UGT1A10: variants seen among roughly 807,000 people sequenced by gnomAD.
The protein encoded by UGT1A10 is UDP glucuronosyltransferase family 1 member A10, also known as UDP-glucuronosyltransferase 1A10.
Under a neutral mutation model 45.8 loss-of-function variants are expected in UGT1A10, and 49 were observed. That is an observed-to-expected ratio of 1.07 (90% confidence interval 0.85 to 1.36). The LOEUF (loss-of-function observed/expected upper bound fraction) is 1.36, where lower values mean the gene tolerates loss of function less well. UGT1A10 is among the 40% of genes most tolerant of loss of function. UGT1A10 has a pLI of 0.00. For missense variants in UGT1A10, 745 were observed against 668.6 expected (o/e 1.11, Z -1.26); for synonymous variants, 284 against 249.7 (o/e 1.14, Z -1.29).
chr2:233,674,846 A>G (rs1162958681), intron 1 of UGT1A10, among the ~76,000 whole-genome samples: 1 of 152,188 alleles, frequency 6.6e-6, no homozygotes, highest in African/African-American at 2.4e-5. Flanking sequence ...TGGCCCAACC[A>G]CAGAAGTAAA....
At chr2:233,719,955 G>A (rs914065471) in intron 1 of UGT1A10, among the ~76,000 whole-genome samples, 4 of 152,160 alleles carry the variant, frequency 2.6e-5, no homozygotes, top group Admixed American at 2.6e-4. Flanking sequence ...CCATCTTCAT[G>A]GTTGTGCATG....
chr2:233,682,551 A>C (rs1349581961), intron 1 of UGT1A10: 2 of 1,613,822 alleles, frequency 1.2e-6, no homozygotes, highest in African/African-American at 1.3e-5. Context: ...ACTTTCAAGG[A>C]GAGAGTATGG....
chr2:233,695,757 C>T (rs1051852245), intron 1 of UGT1A10, among the ~76,000 whole-genome samples: 2 of 152,104 alleles, frequency 1.3e-5, no homozygotes, highest in Non-Finnish European at 2.9e-5. Context: ...GGTCTTCATC[C>T]TTTTTTATGG....
intron 1 of UGT1A10, among the ~76,000 whole-genome samples, chr2:233,736,818 G>A (rs761920295): frequency 6.6e-6 from 1 of 152,210 alleles, no homozygotes; most frequent in Non-Finnish European, 1.5e-5. Flanking sequence ...GTCCACTCCA[G>A]ATGCTCTTTG....
At chr2:233,756,025 C>T (rs1696093592) in intron 1 of UGT1A10, 1 of 152,194 alleles carries the variant, frequency 6.6e-6, no homozygotes, top group African/African-American at 2.4e-5. Context: ...TTACACATCC[C>T]CCATGTAGCT....
Position 233,636,778 on chromosome 2 carries a change from C to G in UGT1A10, c.256C>G (p.Gln86Glu), listed in dbSNP as rs1307106189. 1 of 1,614,198 alleles carries G rather than the reference C, an allele frequency of 6.2e-7. No homozygotes were observed. Among genetic ancestry groups the G allele is most frequent in the East Asian group, 2.2e-5 (1 of 44,878 alleles). ...CTCAACCTCGTACACTCTGGAAGAT[C>G]AGAACCGGGAATTCATGGTTTTCGC... ...TYSTSYTLED[Q>E]NREFMVFAHA... is the part of the protein sequence containing the mutation. Residue 86 changes from glutamine (Q) to glutamate (E), a missense_variant, in exon 1 of 5, where the codon CAG (glutamine) becomes GAG (glutamate). Physicochemically the swap from Gln to Glu is conservative, Grantham distance 29 (BLOSUM62 2). Coordinates refer to ENST00000344644, the MANE Select transcript of UGT1A10 (RefSeq NM_019075.4).
chr2:233,661,453 G>T (rs1034315994), intron 1 of UGT1A10, among the ~76,000 whole-genome samples: 1 of 152,066 alleles, frequency 6.6e-6, no homozygotes, highest in Non-Finnish European at 1.5e-5. Flanking sequence ...CCCACAGATG[G>T]AATCCTAGTT....
chr2:233,752,828 G>A (rs1490866315), intron 1 of UGT1A10, among the ~76,000 whole-genome samples: 1 of 152,172 alleles, frequency 6.6e-6, no homozygotes, highest in Non-Finnish European at 1.5e-5. Context: ...TATGACATCA[G>A]TAATCTAGGA....
chr2:233,653,005 C>T (rs749642851), intron 1 of UGT1A10, among the ~76,000 whole-genome samples: 2 of 152,094 alleles, frequency 1.3e-5, no homozygotes, highest in African/African-American at 2.4e-5. Flanking sequence ...AGGACACTAT[C>T]GAGAGAGTGA....
rs558356938 is a variant in UGT1A10 at position 233,722,599 on chromosome 2, T to C, written c.856-44435T>C. Among the ~76,000 whole-genome samples the C allele has an allele frequency of 1.3e-4, 20 of 152,338 alleles. 1 individual carries two copies. In the South Asian group the frequency reaches 4.1e-3, roughly 32 times the overall value. On this transcript the variant is annotated intron_variant, in intron 1 of 4. Transcript: ENST00000344644. ...AACTTCGTTAGAGGACTATTACACT[T>C]CTTTACATTTGATTTTTCTTAATGA... is the stretch of plus-strand genomic sequence containing the variant.
chr2:233,686,504 G>A (rs1053789144), intron 1 of UGT1A10, among the ~76,000 whole-genome samples: 1 of 152,032 alleles, frequency 6.6e-6, no homozygotes, highest in Admixed American at 6.5e-5. Flanking sequence ...GGTGAGCCCA[G>A]GTGGAGCCTC....
At chr2:233,716,806 G>A (rs1420257230) in intron 1 of UGT1A10, among the ~76,000 whole-genome samples, 2 of 152,272 alleles carry the variant, frequency 1.3e-5, no homozygotes, top group South Asian at 2.1e-4. Flanking sequence ...GTCTCTGGAC[G>A]TTGCTGGGGT....
chr2:233,741,575 C>A lies in UGT1A10; in HGVS notation c.856-25459C>A, dbSNP rs559274983. ...TGGTTATTGTATGAGAATCAACTAC[C>A]CAGGCACCTCGGAGCATGTTGATTT... On this transcript the variant is annotated intron_variant, in intron 1 of 4. Coordinates refer to ENST00000344644, the MANE Select transcript of UGT1A10 (RefSeq NM_019075.4). 4 of 151,970 alleles carry A rather than the reference C, an allele frequency of 2.6e-5. No individual in the cohort carries two copies. In the East Asian group the frequency reaches 7.7e-4, roughly 29 times the overall value. 9.4% of individuals were successfully genotyped at this position (151,970 alleles called of 1,614,324 possible).
At chr2:233,672,452 T>G in intron 1 of UGT1A10, 2 of 1,613,970 alleles carry the variant, frequency 1.2e-6, no homozygotes, top group Middle Eastern at 1.7e-4. Flanking sequence ...AGGGGAATAC[T>G]TTGCCACTAT....
intron 1 of UGT1A10, chr2:233,682,462 C>T: frequency 1.2e-6 from 2 of 1,613,942 alleles, no homozygotes; most frequent in Non-Finnish European, 1.7e-6. Context: ...TATTTTGCCA[C>T]TATCTTGAAG....
In UGT1A10 at chr2:233,718,852, G is replaced by A. The variant is rs149314940; in HGVS notation, c.856-48182G>A. On this transcript the variant is annotated intron_variant, in intron 1 of 4. Coordinates refer to ENST00000344644, the MANE Select transcript of UGT1A10 (RefSeq NM_019075.4). ...AGAGGACTCCAGGTTCCCCTGCCGC[G>A]GCTGGCCACAGGACTGCTGCTCCTC... The A allele has an allele frequency of 5.0e-5, 80 of 1,613,718 alleles. No homozygotes were observed. Among genetic ancestry groups the A allele is most frequent in the Middle Eastern group, 1.7e-4 (1 of 5,766 alleles).
intron 1 of UGT1A10, among the ~76,000 whole-genome samples, chr2:233,659,899 TC>T (rs2073932186): frequency 6.6e-6 from 1 of 152,232 alleles, no homozygotes; most frequent in Non-Finnish European, 1.5e-5. Flanking sequence ...TGTATCTTCT[TC>T]CTCATTGTCT....
intron 1 of UGT1A10, chr2:233,690,719 C>G: frequency 2.0e-5 from 24 of 1,214,918 alleles, no homozygotes; most frequent in Non-Finnish European, 2.5e-5. Context: ...TTATGACGAA[C>G]AGACATGCCA....
At position 233,772,036 on chromosome 2, in the gene UGT1A10, C is replaced by T. The variant is rs575173136; in HGVS notation, c.1296-226C>T. Among the ~76,000 whole-genome samples, 3 of 152,210 alleles carry T rather than the reference C, an allele frequency of 2.0e-5. No individual in the cohort carries two copies. The East Asian group carries it at 5.8e-4, about 29-fold the overall frequency. Reference sequence around the variant, plus strand: ...GCTGAGGCAGGAGGATGGCTTGAGCCCAGGAGTTGGAGGCTGCAGTTAGCC... The same window carrying T: ...GCTGAGGCAGGAGGATGGCTTGAGCTCAGGAGTTGGAGGCTGCAGTTAGCC... On this transcript the variant is annotated intron_variant, in intron 4 of 4. Transcript: ENST00000344644.
Sources: gnomAD v4.1 joint callset for allele counts (sites outside exome capture counted in the v4.1 genomes callset) on GRCh38, gnomAD v4.1.1 for gene constraint, MANE v1.5 for transcripts, NCBI Gene and HGNC (gene_info 2026-07-23, HGNC 2026-07-21) for gene names.